The following GPHN variants were observed in gnomAD, a reference collection of about 807,000 sequenced individuals.
GPHN encodes gephyrin.
GPHN carries 17 observed loss-of-function variants against 95.5 expected under a neutral mutation model. That is an observed-to-expected ratio of 0.18 (90% confidence interval 0.12 to 0.27). GPHN has a LOEUF of 0.27. Among genes scored for constraint, GPHN ranks in the 10% least tolerant of loss-of-function variants. The probability of loss-of-function intolerance (pLI) is 1.00; values close to 1 mark genes in which losing one functional copy is unlikely to be tolerated. For missense variants in GPHN, 660 were observed against 978.1 expected, an observed-to-expected ratio of 0.67 and a Z score of 4.34; for synonymous variants, 320 against 322.5, an observed-to-expected ratio of 0.99 and a Z score of 0.08.
chr14:66,522,011 T>G (rs923063848), intron 1 of GPHN, among the ~76,000 whole-genome samples: 10 of 152,146 alleles, frequency 6.6e-5, no homozygotes, highest in African/African-American at 2.4e-4. Flanking sequence ...TTCTCCTGCT[T>G]CTGCCATGAA....
chr14:67,247,937 A>C, the GPHN span, among the ~76,000 whole-genome samples: 1 of 152,118 alleles, frequency 6.6e-6, no homozygotes, highest in Non-Finnish European at 1.5e-5. Flanking sequence ...AAATGATATT[A>C]GCTGTAGGTC....
chr14:67,572,989 C>A, the GPHN span, among the ~76,000 whole-genome samples: 1 of 152,192 alleles, frequency 6.6e-6, no homozygotes, highest in African/African-American at 2.4e-5. Context: ...GACGCTCTCC[C>A]TGGCCAGGCT....
chr14:66,828,106 T>C (rs1331061980), intron 4 of GPHN, among the ~76,000 whole-genome samples: 1 of 151,984 alleles, frequency 6.6e-6, no homozygotes, highest in African/African-American at 2.4e-5. Flanking sequence ...TGATTGTGAA[T>C]AACTTGATCT....
At chr14:67,230,086 T>C in the GPHN span, among the ~76,000 whole-genome samples, 1 of 152,210 alleles carries the variant, frequency 6.6e-6, no homozygotes, top group East Asian at 1.9e-4. Flanking sequence ...AGAAACTGTT[T>C]TCTTCATACA....
At chr14:67,030,929 G>A (rs1011329858) in intron 10 of GPHN, among the ~76,000 whole-genome samples, 5 of 152,246 alleles carry the variant, frequency 3.3e-5, no homozygotes, top group African/African-American at 9.6e-5. Context: ...TAAGAAACCA[G>A]TATGGGAACA....
intron 1 of GPHN, among the ~76,000 whole-genome samples, chr14:66,578,654 GA>G (rs574302625): frequency 0.01 from 602 of 59,686 alleles, 1 homozygote; most frequent in Middle Eastern, 0.025. Context: ...GGGATAGAGT[GA>G]AAAAAAAAAA....
the GPHN span, among the ~76,000 whole-genome samples, chr14:67,522,167 C>T: frequency 4.3e-4 from 65 of 151,924 alleles, no homozygotes; most frequent in African/African-American, 1.3e-3. Context: ...AGTGAGACTC[C>T]GTCTCAAAAC....
At position 67,012,116 on chromosome 14, in the gene GPHN, T is replaced by A. The variant is rs537637653; in HGVS notation, c.964-11517T>A. 5.3e-5 allele frequency among the ~76,000 whole-genome samples: 8 copies of A among 152,296 alleles called. No homozygotes were observed. The East Asian group carries it at 1.5e-3, about 29-fold the overall frequency. ...TACTTTGGACATGGAGGTTAATGAT[T>A]GCTAAAAAGAGAAAATCTTTATAAT... On this transcript the variant is annotated intron_variant, in intron 9 of 22. Transcript: ENST00000478722.
chr14:67,674,329 G>A, the GPHN span: 54 of 1,486,658 alleles, frequency 3.6e-5, 1 homozygote, highest in South Asian at 1.1e-4. Context: ...TCCTTCCAAA[G>A]CGCGCAGGGC....
chr14:66,678,250 C>T (rs1255034619), intron 1 of GPHN, among the ~76,000 whole-genome samples: 9 of 151,376 alleles, frequency 5.9e-5, no homozygotes, highest in African/African-American at 2.2e-4. Flanking sequence ...TGATGGTTTC[C>T]CATGTCATGT....
the GPHN span, among the ~76,000 whole-genome samples, chr14:67,316,229 A>G: frequency 6.6e-6 from 1 of 152,172 alleles, no homozygotes; most frequent in Admixed American, 6.5e-5. Flanking sequence ...AAGGTCAGGA[A>G]CCTTGAAAGC....
chr14:67,708,757 T>G, the GPHN span, among the ~76,000 whole-genome samples: 1 of 152,018 alleles, frequency 6.6e-6, no homozygotes, highest in Non-Finnish European at 1.5e-5. Context: ...AAGCCAAATA[T>G]GTCATTTTCG....
chr14:66,786,525 C>T (rs111470529), intron 3 of GPHN, among the ~76,000 whole-genome samples: 79 of 152,044 alleles, frequency 5.2e-4, no homozygotes, highest in African/African-American at 1.6e-3. Flanking sequence ...TGAGGAAATA[C>T]GTTTCATGAG....
At chr14:67,088,875 C>A in intron 11 of GPHN, 108 bp from the exon 12 acceptor site, 1 of 723,462 alleles carries the variant, frequency 1.4e-6, no homozygotes, top group South Asian at 1.5e-5. Flanking sequence ...TCTGACTGAG[C>A]CCATTTACAA....
chr14:67,170,460 AAG>A (rs1280168965), intron 21 of GPHN, among the ~76,000 whole-genome samples: 4 of 152,206 alleles, frequency 2.6e-5, no homozygotes, highest in African/African-American at 4.8e-5. Flanking sequence ...ACATTATTAT[AAG>A]AGAGAGAGAA....
At chr14:66,632,495 T>C (rs1345567198) in intron 1 of GPHN, among the ~76,000 whole-genome samples, 10 of 149,452 alleles carry the variant, frequency 6.7e-5, no homozygotes, top group Admixed American at 4.7e-4. Context: ...CATTCTTTTT[T>C]TTTTTTTTTT....
chr14:67,504,222 C>T, the GPHN span, among the ~76,000 whole-genome samples: 1 of 151,606 alleles, frequency 6.6e-6, no homozygotes, highest in African/African-American at 2.4e-5. Flanking sequence ...CTGTGTTGGC[C>T]AGGTTGGTCT....
At chr14:67,600,319 G>A in the GPHN span, 26 of 846,186 alleles carry the variant, frequency 3.1e-5, no homozygotes, top group South Asian at 4.5e-4. Flanking sequence ...CCCGCCCTAA[G>A]CCTGCGCAGC....
At chr14:67,212,522 T>C in the GPHN span, among the ~76,000 whole-genome samples, 1 of 149,728 alleles carries the variant, frequency 6.7e-6, no homozygotes, top group Non-Finnish European at 1.5e-5. Flanking sequence ...TCCTGGGGGG[T>C]TGAGGCTGCA....
Sources: gnomAD v4.1 joint callset for allele counts (sites outside exome capture counted in the v4.1 genomes callset) on GRCh38, gnomAD v4.1.1 for gene constraint, MANE v1.5 for transcripts, NCBI Gene and HGNC (gene_info 2026-07-23, HGNC 2026-07-21) for gene names.